CDH8: variants seen among roughly 807,000 people sequenced by gnomAD.
CDH8 encodes cadherin-8.
A neutral mutation model predicts 68.1 loss-of-function variants in CDH8; 17 were observed. The observed-to-expected ratio is 0.25, with a 90% confidence interval of 0.17 to 0.37. The LOEUF is 0.37. Ranked by LOEUF, CDH8 falls within the 10% of genes least tolerant of loss-of-function variation. CDH8 has a pLI of 1.00. For missense variants in CDH8, 763 were observed against 999.3 expected (o/e 0.76, Z 3.19); for synonymous variants, 372 against 365.1 (o/e 1.02, Z -0.21).
intron 2 of CDH8, among the ~76,000 whole-genome samples, chr16:61,931,253 T>C: frequency 6.6e-6 from 1 of 152,106 alleles, no homozygotes; most frequent in Non-Finnish European, 1.5e-5. Context: ...CATCTCGAAC[T>C]CCTGGGTTCA....
At chr16:61,969,463 T>C (rs1342349323) in intron 2 of CDH8, among the ~76,000 whole-genome samples, 3 of 152,204 alleles carry the variant, frequency 2.0e-5, no homozygotes, top group Non-Finnish European at 2.9e-5. Context: ...AAGCCCTACA[T>C]GGGCTTATCT....
chr16:61,917,178 G>T (rs755460143), intron 2 of CDH8, among the ~76,000 whole-genome samples: 1 of 151,018 alleles, frequency 6.6e-6, no homozygotes, highest in African/African-American at 2.4e-5. Flanking sequence ...ATGGAATGCC[G>T]CTGTGTTCCT....
intron 10 of CDH8, among the ~76,000 whole-genome samples, chr16:61,675,006 G>T (rs550238741): frequency 2.0e-4 from 30 of 150,256 alleles, no homozygotes; most frequent in African/African-American, 7.1e-4. Flanking sequence ...CGTGTAATCA[G>T]AGTCCCAGAA....
At chr16:61,662,169 T>C (rs1325450344) in intron 10 of CDH8, among the ~76,000 whole-genome samples, 2 of 150,432 alleles carry the variant, frequency 1.3e-5, no homozygotes, top group African/African-American at 4.9e-5. Flanking sequence ...GTCATATAAG[T>C]GATAGTATCT....
intron 9 of CDH8, among the ~76,000 whole-genome samples, chr16:61,722,235 C>A (rs528095134): frequency 3.0e-4 from 46 of 150,852 alleles, no homozygotes; most frequent in Non-Finnish European, 5.4e-4. Flanking sequence ...AGAAGACTGC[C>A]TTCATGCCCA....
chr16:61,873,913 A>G (rs1238693749), intron 3 of CDH8, among the ~76,000 whole-genome samples: 1 of 152,088 alleles, frequency 6.6e-6, no homozygotes. Context: ...AAAATTAGCC[A>G]GGGGTGGTGG....
intron 2 of CDH8, among the ~76,000 whole-genome samples, chr16:61,998,232 G>T (rs1159381578): frequency 6.6e-6 from 1 of 152,118 alleles, no homozygotes; most frequent in Non-Finnish European, 1.5e-5. Context: ...AATATGGTGA[G>T]ATTCTTGTAT....
chr16:61,719,201 C>G (rs1383149618), intron 9 of CDH8, among the ~76,000 whole-genome samples: 1 of 149,952 alleles, frequency 6.7e-6, no homozygotes, highest in African/African-American at 2.4e-5. Flanking sequence ...ATGTAGCTTG[C>G]AGTTCTGACA....
chr16:61,794,220 G>C (rs2142995232), intron 7 of CDH8, among the ~76,000 whole-genome samples: 1 of 151,848 alleles, frequency 6.6e-6, no homozygotes, highest in African/African-American at 2.4e-5. Flanking sequence ...CTGGATTTCT[G>C]TGTGTTTCTT....
intron 10 of CDH8, among the ~76,000 whole-genome samples, chr16:61,680,786 C>T (rs2142799619): frequency 6.6e-6 from 1 of 151,862 alleles, no homozygotes; most frequent in East Asian, 1.9e-4. Context: ...ATACCATTTG[C>T]TTATTATCCT....
intron 3 of CDH8, among the ~76,000 whole-genome samples, chr16:61,879,240 A>G (rs1963524123): frequency 6.6e-6 from 1 of 152,230 alleles, no homozygotes. Context: ...GTTCTTGTTT[A>G]AAGTGACTTC....
chr16:61,735,190 C>A (rs1346717425), intron 8 of CDH8, among the ~76,000 whole-genome samples: 1 of 152,068 alleles, frequency 6.6e-6, no homozygotes, highest in Non-Finnish European at 1.5e-5. Flanking sequence ...TTAATTACAT[C>A]TACATAGACC....
At chr16:61,856,095 G>T (rs1042639347) in intron 4 of CDH8, among the ~76,000 whole-genome samples, 6 of 152,024 alleles carry the variant, frequency 3.9e-5, no homozygotes, top group Non-Finnish European at 8.8e-5. Context: ...AAAAGCAGGG[G>T]TAGTCTTTAA....
At chr16:61,712,259 C>T (rs908364475) in intron 10 of CDH8, among the ~76,000 whole-genome samples, 4 of 151,580 alleles carry the variant, frequency 2.6e-5, no homozygotes, top group African/African-American at 9.7e-5. Context: ...ATAATAAATA[C>T]GTGTCAAAAT....
At chr16:61,839,990 C>G (rs1962648372) in intron 4 of CDH8, among the ~76,000 whole-genome samples, 1 of 152,276 alleles carries the variant, frequency 6.6e-6, no homozygotes, top group East Asian at 1.9e-4. Context: ...GCCTGCCCCT[C>G]TTTGTCAAAA....
intron 8 of CDH8, among the ~76,000 whole-genome samples, chr16:61,780,349 A>C (rs1961017926): frequency 6.6e-6 from 1 of 152,226 alleles, no homozygotes; most frequent in South Asian, 2.1e-4. Context: ...ATAACATGTT[A>C]GATCCACTAC....
rs145271571 is a variant in CDH8, at chr16:61,692,012, C to T, written c.1654+21829G>A. On this transcript the variant is annotated intron_variant, in intron 10 of 11. Coordinates refer to ENST00000577390, the MANE Select transcript of CDH8 (RefSeq NM_001796.5). ...TCTATGTTAAGGAAGCAGATGTAGC[C>T]TAAGGGTTGGGTACCCATATAATTT... is the stretch of plus-strand genomic sequence containing the variant. 493 of 152,140 alleles carry T rather than the reference C, an allele frequency of 3.2e-3. 1 individual carries two copies. Among genetic ancestry groups the T allele is most frequent in the African/African-American group, 0.011 (469 of 41,532 alleles). The allele number at this position is 152,140 out of a possible 1,614,324, so 9.4% of individuals were successfully genotyped here.
intron 7 of CDH8, among the ~76,000 whole-genome samples, chr16:61,800,444 T>G (rs750025451): frequency 6.6e-6 from 1 of 152,208 alleles, no homozygotes; most frequent in Non-Finnish European, 1.5e-5. Flanking sequence ...CCTGTTCCTC[T>G]TCCATACTTG....
intron 2 of CDH8, among the ~76,000 whole-genome samples, chr16:62,006,416 T>C (rs1408254990): frequency 6.6e-6 from 1 of 152,178 alleles, no homozygotes; most frequent in Non-Finnish European, 1.5e-5. Flanking sequence ...TTCCCCACCT[T>C]ATTAGCCAAC....
Sources: gnomAD v4.1 joint callset for allele counts (sites outside exome capture counted in the v4.1 genomes callset) on GRCh38, gnomAD v4.1.1 for gene constraint, MANE v1.5 for transcripts, NCBI Gene and HGNC (gene_info 2026-07-23, HGNC 2026-07-21) for gene names.